Variants in FRAS1 observed in about 807,000 individuals in gnomAD.
FRAS1 encodes the protein extracellular matrix organizing protein FRAS1.
Under a neutral mutation model 435.2 loss-of-function variants are expected in FRAS1, and 290 were observed. The observed-to-expected ratio is 0.67, with a 90% CI of 0.61 to 0.73. The LOEUF (loss-of-function observed/expected upper bound fraction) is 0.73. FRAS1 is among the 30% of genes least tolerant of loss of function. The pLI, the probability that FRAS1 is intolerant of heterozygous loss-of-function variation, is 0.00. For synonymous variants in FRAS1, 1,800 were observed against 1,851.0 expected (o/e 0.97, Z 0.71); for missense variants, 4,860 against 5,001.5 (o/e 0.97, Z 0.85).
In FRAS1 at chr4:78,278,731, A is replaced by G. The variant is rs1483082637; in HGVS notation, c.1058A>G (p.Glu353Gly). Residue 353 changes from glutamate to glycine, a missense_variant, in exon 10 of 74, where the codon GAA becomes GGA. By Grantham distance (98) the Glu-to-Gly change is moderately conservative. Transcript: ENST00000512123. ...AGGAATGGTTATTGTGTTTATGAAG[A>G]AACTGGAGAATTTGTGAGTATCAGG... ...ISRNGYCVYEETGEFMSSNAS... is the reference protein window; with the variant it reads ...ISRNGYCVYEGTGEFMSSNAS... 1 of 1,590,226 alleles carries G rather than the reference A, an allele frequency of 6.3e-7. No homozygotes were observed. Among genetic ancestry groups the G allele is most frequent in the Non-Finnish European group, 8.6e-7 (1 of 1,159,758 alleles).
intron 2 of FRAS1, among the ~76,000 whole-genome samples, chr4:78,211,760 A>G (rs1482774102): frequency 6.6e-6 from 1 of 152,258 alleles, no homozygotes; most frequent in Non-Finnish European, 1.5e-5. Flanking sequence ...CATTAATCAC[A>G]TTCATGGTGT....
chr4:78,377,345 C>T (rs1293939519), intron 26 of FRAS1, among the ~76,000 whole-genome samples: 1 of 152,134 alleles, frequency 6.6e-6, no homozygotes, highest in Non-Finnish European at 1.5e-5. Flanking sequence ...TACTTGAGAG[C>T]CAGCTTACTT....
chr4:78,501,735 A>G (rs963754582), intron 61 of FRAS1, among the ~76,000 whole-genome samples: 3 of 151,998 alleles, frequency 2.0e-5, no homozygotes, highest in African/African-American at 7.2e-5. Context: ...ATTAGATCCC[A>G]TTTGTCTATT....
chr4:78,479,351 G>T (rs770436551), intron 55 of FRAS1, 23 bp from the exon 56 acceptor site: 6 of 1,441,514 alleles, frequency 4.2e-6, no homozygotes, highest in Non-Finnish European at 3.7e-6. Flanking sequence ...AAATGCTTTG[G>T]TTTTTTGCCA....
At chr4:78,290,661 G>C (rs994620100) in intron 14 of FRAS1, among the ~76,000 whole-genome samples, 4 of 151,948 alleles carry the variant, frequency 2.6e-5, no homozygotes, top group African/African-American at 9.7e-5. Context: ...TATTAGCCAG[G>C]CTGGTGTCGA....
intron 1 of FRAS1, 134 bp from the exon 2 acceptor site, chr4:78,065,851 T>A: frequency 1.4e-6 from 1 of 698,348 alleles, no homozygotes; most frequent in Non-Finnish European, 2.5e-6. Context: ...TGCTGAAGCT[T>A]TTAAGATTTT....
At chr4:78,341,438 G>A (rs13124000) in intron 20 of FRAS1, among the ~76,000 whole-genome samples, 15,582 of 152,122 alleles carry the variant, frequency 0.1, 893 homozygotes, top group African/African-American at 0.15. Flanking sequence ...AAAACACTGA[G>A]GCAGAAAGTT....
intron 2 of FRAS1, among the ~76,000 whole-genome samples, chr4:78,227,220 G>T (rs889155923): frequency 2.6e-5 from 4 of 152,114 alleles, no homozygotes; most frequent in African/African-American, 9.7e-5. Context: ...AATAGAGTTA[G>T]GATATATAAT....
intron 64 of FRAS1, 84 bp from the exon 65 acceptor site, chr4:78,513,308 A>G: frequency 2.1e-6 from 3 of 1,396,312 alleles, no homozygotes; most frequent in South Asian, 1.2e-5. Context: ...TGGTGAAGAC[A>G]AATTAGGTGA....
At chr4:78,384,031 C>T in intron 27 of FRAS1, 28 bp from the exon 28 acceptor site, 1 of 1,512,774 alleles carries the variant, frequency 6.6e-7, no homozygotes, top group Non-Finnish European at 9.1e-7. Flanking sequence ...ATTGTATTTT[C>T]TTATTCCTTT....
At chr4:78,126,573 G>A (rs1719369218) in intron 2 of FRAS1, among the ~76,000 whole-genome samples, 1 of 152,186 alleles carries the variant, frequency 6.6e-6, no homozygotes, top group African/African-American at 2.4e-5. Flanking sequence ...AATATTAAGT[G>A]TATGGTACAG....
intron 19 of FRAS1, among the ~76,000 whole-genome samples, chr4:78,335,554 T>C (rs1730137945): frequency 6.6e-6 from 1 of 152,214 alleles, no homozygotes; most frequent in Non-Finnish European, 1.5e-5. Context: ...AGAATACACC[T>C]CTCAGTGGAG....
intron 2 of FRAS1, 47 bp downstream of exon 2, chr4:78,066,063 T>C: frequency 7.2e-7 from 1 of 1,391,084 alleles, no homozygotes; most frequent in Non-Finnish European, 1.0e-6. Context: ...GAATGTAAAA[T>C]GCTTGATTGA....
At chr4:78,538,761 T>C (rs1721960306) in intron 72 of FRAS1, among the ~76,000 whole-genome samples, 1 of 152,136 alleles carries the variant, frequency 6.6e-6, no homozygotes, top group Non-Finnish European at 1.5e-5. Context: ...GAGACCATCC[T>C]AGCTAACACA....
intron 2 of FRAS1, chr4:78,182,154 G>C: frequency 1.3e-6 from 1 of 779,606 alleles, no homozygotes; most frequent in Non-Finnish European, 2.0e-6. Flanking sequence ...GATGGAAGCA[G>C]GTATTTAATA....
chr4:78,165,568 A>C (rs1400916257), intron 2 of FRAS1, among the ~76,000 whole-genome samples: 1 of 152,198 alleles, frequency 6.6e-6, no homozygotes, highest in South Asian at 2.1e-4. Context: ...GACCACCCCC[A>C]AACATCAGTA....
chr4:78,411,934 GT>G (rs1478237148), intron 31 of FRAS1, among the ~76,000 whole-genome samples: 1 of 152,024 alleles, frequency 6.6e-6, no homozygotes, highest in African/African-American at 2.4e-5. Flanking sequence ...CTGACATTCA[GT>G]TTCCTCACCT....
intron 3 of FRAS1, among the ~76,000 whole-genome samples, chr4:78,239,351 A>C (rs1023768566): frequency 2.0e-5 from 3 of 152,114 alleles, no homozygotes; most frequent in African/African-American, 7.2e-5. Context: ...TCCTTCATGA[A>C]ACAGTAAATT....
intron 2 of FRAS1, among the ~76,000 whole-genome samples, chr4:78,089,740 T>G (rs1578116324): frequency 6.6e-6 from 1 of 152,306 alleles, no homozygotes; most frequent in South Asian, 2.1e-4. Flanking sequence ...CTTCAAACTT[T>G]GCTTTTTTCT....
Sources: allele counts gnomAD v4.1 joint callset (sites outside exome capture counted in the v4.1 genomes callset), GRCh38; gene constraint gnomAD v4.1.1; transcripts MANE v1.5; gene names NCBI Gene and HGNC (gene_info 2026-07-23, HGNC 2026-07-21).